C2CD3: variants seen among roughly 807,000 people sequenced by gnomAD.
The protein encoded by C2CD3 is C2 domain containing 3 centriole elongation regulator.
C2CD3 carries 148 observed loss-of-function variants against 234.0 expected under a neutral mutation model. The observed-to-expected ratio is 0.63, with a 90% confidence interval of 0.55 to 0.72. The LOEUF is 0.72. C2CD3 is among the 30% of genes least tolerant of loss of function. C2CD3 has a pLI of 0.00. For missense variants in C2CD3, 2,577 were observed against 2,811.5 expected, an observed-to-expected ratio of 0.92 and a Z score of 1.89; for synonymous variants, 1,000 against 1,035.4, an observed-to-expected ratio of 0.97 and a Z score of 0.66.
intron 32 of C2CD3, among the ~76,000 whole-genome samples, chr11:74,018,646 C>T (rs1050376606): frequency 1.3e-5 from 2 of 152,156 alleles, no homozygotes; most frequent in Non-Finnish European, 2.9e-5. Context: ...CTGCCTTTCC[C>T]TGGGGTGGCT....
At chr11:74,055,601 A>G (rs1349122658) in intron 25 of C2CD3, among the ~76,000 whole-genome samples, 1 of 152,246 alleles carries the variant, frequency 6.6e-6, no homozygotes, top group Non-Finnish European at 1.5e-5. Flanking sequence ...GCTGGGAATT[A>G]AAAGATTCAC....
intron 3 of C2CD3, among the ~76,000 whole-genome samples, chr11:74,141,429 C>T (rs1040974759): frequency 6.6e-6 from 1 of 152,220 alleles, no homozygotes; most frequent in African/African-American, 2.4e-5. Flanking sequence ...CCATTCATCA[C>T]TTGCCAAAGA....
At chr11:74,057,365 A>C in intron 25 of C2CD3, 41 bp downstream of exon 25, 1 of 1,611,456 alleles carries the variant, frequency 6.2e-7, no homozygotes, top group Admixed American at 1.7e-5. Flanking sequence ...TGGAACAAAA[A>C]GCAGATTCTG....
At chr11:74,122,935 A>G in intron 8 of C2CD3, 53 bp downstream of exon 8, 1 of 1,129,610 alleles carries the variant, frequency 8.9e-7, no homozygotes, top group South Asian at 1.4e-5. Context: ...AGCTACTAAT[A>G]TTATTAATAC....
At chr11:74,027,977 T>G (rs1458678968) in intron 32 of C2CD3, among the ~76,000 whole-genome samples, 1 of 152,160 alleles carries the variant, frequency 6.6e-6, no homozygotes, top group Non-Finnish European at 1.5e-5. Flanking sequence ...ACCTGCTTGG[T>G]GGGGACTCCC....
At chr11:74,127,284 T>C (rs1957444231) in intron 7 of C2CD3, among the ~76,000 whole-genome samples, 1 of 152,224 alleles carries the variant, frequency 6.6e-6, no homozygotes, top group African/African-American at 2.4e-5. Flanking sequence ...AGGTGTGAGC[T>C]ACCACACTGC....
At chr11:74,089,778 T>C (rs1955806165) in intron 20 of C2CD3, among the ~76,000 whole-genome samples, 2 of 152,192 alleles carry the variant, frequency 1.3e-5, no homozygotes, top group South Asian at 4.1e-4. Flanking sequence ...AAAATGCATG[T>C]ATGCCAATAA....
At chr11:74,078,082 A>G (rs1955155312) in intron 23 of C2CD3, 33 bp downstream of exon 23, 3 of 1,591,840 alleles carry the variant, frequency 1.9e-6, no homozygotes, top group South Asian at 2.3e-5. Context: ...CAGGTGCTCA[A>G]ACTACAAGAG....
intron 24 of C2CD3, among the ~76,000 whole-genome samples, chr11:74,059,924 C>T (rs1954149178): frequency 6.6e-6 from 1 of 152,188 alleles, no homozygotes; most frequent in South Asian, 2.1e-4. Flanking sequence ...CACCCTAATA[C>T]TGCACTTTTC....
intron 2 of C2CD3, chr11:74,164,152 C>T (rs1203100815): frequency 2.1e-6 from 2 of 969,708 alleles, no homozygotes; most frequent in Non-Finnish European, 2.5e-6. Flanking sequence ...GACTTCTGAC[C>T]TTTATACTTC....
intron 29 of C2CD3, 124 bp downstream of exon 29, chr11:74,041,930 G>A (rs546136986): frequency 5.7e-6 from 5 of 874,632 alleles, no homozygotes; most frequent in Non-Finnish European, 8.8e-6. Context: ...ACATGCAAAA[G>A]AGCCCTCTAC....
At chr11:74,042,248 A>C (rs1455993399) in intron 28 of C2CD3, 30 bp from the exon 29 acceptor site, 4 of 1,566,402 alleles carry the variant, frequency 2.6e-6, no homozygotes, top group African/African-American at 2.8e-5. Flanking sequence ...AAAAAGTAGG[A>C]GCAAAATAAA....
In C2CD3 at chr11:74,150,311, T is replaced by C. The variant is rs550737627; in HGVS notation, c.484-10483A>G. Among the ~76,000 whole-genome samples the C allele has an allele frequency of 1.0e-4, 15 of 150,438 alleles. No homozygotes were observed. In the South Asian group the frequency reaches 3.2e-3, roughly 32 times the overall value. On this transcript the variant is annotated intron_variant, in intron 3 of 32. Coordinates refer to ENST00000334126, the MANE Select transcript of C2CD3 (RefSeq NM_001286577.2). The stretch of plus-strand genomic sequence containing the variant: ...GGCCAACAAGGTGAAACCCTGTCTC[T>C]ACTTAAAAAAAAAAATACAAAAAAA...
intron 29 of C2CD3, among the ~76,000 whole-genome samples, chr11:74,041,065 T>C (rs1233302221): frequency 6.6e-6 from 1 of 151,872 alleles, no homozygotes; most frequent in Non-Finnish European, 1.5e-5. Flanking sequence ...TTTTTAAAGA[T>C]GGAGTACATT....
chr11:74,114,474 G>T lies in C2CD3; in HGVS notation c.1640C>A (p.Thr547Asn). The T allele has an allele frequency of 6.2e-7, 1 of 1,613,906 alleles. No individual in the cohort carries two copies. The highest frequency in any genetic ancestry group is 8.5e-7 in the Non-Finnish European group (1 of 1,179,864). ...RTHSVRIIIE[T>N]MGVPPDSPQM... is the part of the protein sequence containing the mutation. ...AGGACTATCTGGAGGAACTCCCATG[G>T]TTTCGATGATGATTCTGACTGAATG... Residue 547 changes from threonine (T) to asparagine (N), a missense_variant, in exon 10 of 33, where the codon ACC becomes AAC. Coordinates refer to ENST00000334126, the MANE Select transcript of C2CD3 (RefSeq NM_001286577.2).
At chr11:74,151,319 T>G (rs1034363461) in intron 3 of C2CD3, among the ~76,000 whole-genome samples, 1 of 151,620 alleles carries the variant, frequency 6.6e-6, no homozygotes, top group African/African-American at 2.4e-5. Context: ...ATTTATTTAT[T>G]TATTTATTTA....
In C2CD3 at chr11:74,119,818, T is replaced by TAG. The variant is rs990891860; in HGVS notation, c.1366-1438_1366-1437dup. ...ATCTGGCTAATTTTTGTATATTTAG[T>TAG]AGAGACAGGGTTTCACCATGTTGTC... On this transcript the variant is annotated intron_variant, in intron 8 of 32. Coordinates refer to ENST00000334126, the MANE Select transcript of C2CD3 (RefSeq NM_001286577.2). Among the ~76,000 whole-genome samples the TAG allele has an allele frequency of 2.6e-5, 4 of 152,166 alleles. No individual in the cohort carries two copies. The East Asian group carries it at 5.8e-4, about 22-fold the overall frequency.
chr11:74,014,238 C>G (rs985262389), intron 32 of C2CD3, among the ~76,000 whole-genome samples: 6 of 152,188 alleles, frequency 3.9e-5, no homozygotes, highest in South Asian at 2.1e-4. Flanking sequence ...CCATCCCAGA[C>G]AGCTGGCTGA....
At chr11:74,014,414 A>G (rs1478494979) in intron 32 of C2CD3, among the ~76,000 whole-genome samples, 1 of 152,160 alleles carries the variant, frequency 6.6e-6, no homozygotes, top group Non-Finnish European at 1.5e-5. Flanking sequence ...CTGAAGGACT[A>G]TTGAGAGCAC....
Sources: gnomAD v4.1 joint callset for allele counts (sites outside exome capture counted in the v4.1 genomes callset) on GRCh38, gnomAD v4.1.1 for gene constraint, MANE v1.5 for transcripts, NCBI Gene and HGNC (gene_info 2026-07-23, HGNC 2026-07-21) for gene names.